FBXL13: variants seen among roughly 807,000 people sequenced by gnomAD.
FBXL13 encodes the protein F-box and leucine-rich repeat protein 13.
A neutral mutation model predicts 83.6 loss-of-function variants in FBXL13; 67 were observed. The observed-to-expected ratio is 0.80, with a 90% CI of 0.66 to 0.98. The LOEUF (loss-of-function observed/expected upper bound fraction) is 0.98. FBXL13 is among the 50% of genes least tolerant of loss of function. The pLI, the probability that FBXL13 is intolerant of heterozygous loss-of-function variation, is 0.00. For missense variants in FBXL13, 822 were observed against 866.5 expected, an observed-to-expected ratio of 0.95 and a Z score of 0.64; for synonymous variants, 272 against 299.5, an observed-to-expected ratio of 0.91 and a Z score of 0.95.
chr7:102,822,082 T>G, exon 19 of FBXL13: 1 of 1,614,226 alleles, frequency 6.2e-7, no homozygotes, highest in Non-Finnish European at 8.5e-7. Context: ...GATCCGGAGT[T>G]GTTTGCAGCC....
chr7:102,963,909 T>C (rs190202430), intron 7 of FBXL13, among the ~76,000 whole-genome samples: 2 of 151,966 alleles, frequency 1.3e-5, no homozygotes, highest in East Asian at 3.9e-4. Flanking sequence ...AACAACCCCA[T>C]AAAAATAGGC....
intron 6 of FBXL13, among the ~76,000 whole-genome samples, chr7:103,012,356 CAG>C (rs1425141132): frequency 7.4e-6 from 1 of 134,898 alleles, no homozygotes; most frequent in Non-Finnish European, 1.5e-5. Flanking sequence ...GCCTGGGTGA[CAG>C]AGTGAAACTC....
intron 2 of FBXL13, 49 bp from the exon 3 acceptor site, chr7:103,055,227 T>G (rs1171643401): frequency 1.3e-5 from 13 of 981,646 alleles, no homozygotes; most frequent in Non-Finnish European, 1.8e-5. Flanking sequence ...ATTAATTAGT[T>G]AGTTCCGTAA....
In FBXL13 at chr7:102,832,893, G is replaced by C. The variant is rs1800969780; in HGVS notation, c.1801C>G (p.Leu601Val). ...GTGAGGTTAATGCAGTAAATGGCCAGTGCTTTGATAATCATATCTGACAGC... is the reference window on the plus strand; with the variant it reads ...GTGAGGTTAATGCAGTAAATGGCCACTGCTTTGATAATCATATCTGACAGC... The change falls in exon 18 of 20, where the codon CTG becomes GTG. Residue 601 changes from leucine (L) to valine (V), a missense_variant. Physicochemically the swap from Leu to Val is conservative, Grantham distance 32. Transcript: ENST00000313221. 1 of 1,614,196 alleles carries C rather than the reference G, an allele frequency of 6.2e-7. No homozygotes were observed. Among genetic ancestry groups the C allele is most frequent in the Non-Finnish European group, 8.5e-7 (1 of 1,180,018 alleles).
intron 11 of FBXL13, among the ~76,000 whole-genome samples, chr7:102,884,795 A>G (rs993323932): frequency 6.6e-6 from 1 of 152,172 alleles, no homozygotes; most frequent in Non-Finnish European, 1.5e-5. Context: ...ATTGCTGCCT[A>G]TACTCCTTTC....
chr7:102,939,705 AG>A, intron 8 of FBXL13: 1 of 916,256 alleles, frequency 1.1e-6, no homozygotes. Context: ...ATAAAGTACA[AG>A]TTTTAATTAA....
At chr7:102,848,132 CCTGCTAATGACATTAGCACCTGG>C (rs1002545508) in intron 17 of FBXL13, among the ~76,000 whole-genome samples, 1 of 152,144 alleles carries the variant, frequency 6.6e-6, no homozygotes, top group Non-Finnish European at 1.5e-5. Context: ...CTGATTTTCT[CCTGCTAATGACATTAGCACCTGG>C]CTGCTAATGA....
intron 19 of FBXL13, among the ~76,000 whole-genome samples, chr7:102,820,739 T>A (rs1279675593): frequency 6.6e-6 from 1 of 152,240 alleles, no homozygotes. Context: ...CCCTAGCTCA[T>A]CCTTTTATCA....
intron 8 of FBXL13, among the ~76,000 whole-genome samples, chr7:102,949,122 T>A (rs1169190409): frequency 1.3e-5 from 2 of 152,208 alleles, no homozygotes; most frequent in Non-Finnish European, 2.9e-5. Flanking sequence ...TAGCCAATAT[T>A]TATCTTCAAT....
chr7:102,960,616 C>A (rs1416360913), intron 8 of FBXL13, among the ~76,000 whole-genome samples: 1 of 152,128 alleles, frequency 6.6e-6, no homozygotes, highest in Non-Finnish European at 1.5e-5. Flanking sequence ...TCCAGCAGCA[C>A]ATCAAAAAGC....
rs1467564816 is a variant in FBXL13 at position 102,923,845 on chromosome 7, A to G, written c.878+2429T>C. Among the ~76,000 whole-genome samples, 4 of 152,066 alleles carry G rather than the reference A, an allele frequency of 2.6e-5. No individual in the cohort carries two copies. The East Asian group carries it at 7.7e-4, about 29-fold the overall frequency. On this transcript the variant is annotated intron_variant, in intron 10 of 19. Coordinates refer to ENST00000313221, the Ensembl canonical transcript of FBXL13. The stretch of plus-strand genomic sequence containing the variant: ...ATCTCAAAATAAATAAATAAATAAA[A>G]AGAATTTTAGATATATAAGAAGGAA...
At chr7:103,026,071 T>C (rs1198884220) in intron 5 of FBXL13, among the ~76,000 whole-genome samples, 2 of 151,930 alleles carry the variant, frequency 1.3e-5, no homozygotes, top group Non-Finnish European at 2.9e-5. Flanking sequence ...AACCACTGTG[T>C]GCAAAACATT....
At chr7:102,848,600 A>AAAAAAAAAAAAC (rs1804594800) in intron 17 of FBXL13, among the ~76,000 whole-genome samples, 1 of 147,068 alleles carries the variant, frequency 6.8e-6, no homozygotes, top group East Asian at 2.0e-4. Flanking sequence ...AAAAAAAAAA[A>AAAAAAAAAAAAC]AATACACATT....
intron 1 of FBXL13, among the ~76,000 whole-genome samples, chr7:103,073,727 C>T (rs1306614835): frequency 6.6e-6 from 1 of 152,098 alleles, no homozygotes; most frequent in Non-Finnish European, 1.5e-5. Flanking sequence ...TATTTAACAT[C>T]TTAATAAATA....
At chr7:102,894,547 G>T (rs536403884) in intron 11 of FBXL13, among the ~76,000 whole-genome samples, 137 of 151,912 alleles carry the variant, frequency 9.0e-4, no homozygotes, top group Middle Eastern at 3.4e-3. Context: ...AACATATTGA[G>T]ACCCGTCTCT....
chr7:103,039,340 A>G (rs147416848), intron 2 of FBXL13, among the ~76,000 whole-genome samples: 11 of 152,254 alleles, frequency 7.2e-5, no homozygotes, highest in Admixed American at 5.2e-4. Context: ...CCAAATAAAT[A>G]TACATTTGAT....
chr7:102,817,908 T>C (rs1362054881), intron 19 of FBXL13, among the ~76,000 whole-genome samples: 1 of 152,226 alleles, frequency 6.6e-6, no homozygotes, highest in Non-Finnish European at 1.5e-5. Context: ...TTTATCCTGG[T>C]GAGAGGTTTC....
At chr7:103,050,824 A>G (rs1258959924) in intron 2 of FBXL13, among the ~76,000 whole-genome samples, 1 of 152,236 alleles carries the variant, frequency 6.6e-6, no homozygotes, top group Non-Finnish European at 1.5e-5. Context: ...GGTCCTGTAC[A>G]TGCCTAATAC....
At chr7:102,848,273 G>GTGTGT (rs1299866637) in intron 17 of FBXL13, among the ~76,000 whole-genome samples, 1 of 116,170 alleles carries the variant, frequency 8.6e-6, no homozygotes. Flanking sequence ...ATACACATTC[G>GTGTGT]AGGCCGGGCG....
Sources: gnomAD v4.1 joint callset for allele counts (sites outside exome capture counted in the v4.1 genomes callset) on GRCh38, gnomAD v4.1.1 for gene constraint, MANE v1.5 for transcripts, NCBI Gene and HGNC (gene_info 2026-07-23, HGNC 2026-07-21) for gene names.